Variants in TDRD3 observed in about 807,000 individuals in gnomAD.
TDRD3 encodes tudor domain containing 3.
A neutral mutation model predicts 86.7 loss-of-function variants in TDRD3; 45 were observed. The ratio of observed to expected loss-of-function variants is 0.52; its 90% CI spans 0.41 to 0.67. The LOEUF (loss-of-function observed/expected upper bound fraction) is 0.67, where lower values mean the gene tolerates loss of function less well. Among genes scored for constraint, TDRD3 ranks in the 30% least tolerant of loss-of-function variants. TDRD3 has a pLI of 0.00. For missense variants in TDRD3, 814 were observed against 889.0 expected (o/e 0.92, Z 1.07); for synonymous variants, 298 against 301.7 (o/e 0.99, Z 0.13).
chr13:60,567,177 T>A (rs1047634269), intron 12 of TDRD3, among the ~76,000 whole-genome samples: 22 of 152,214 alleles, frequency 1.4e-4, no homozygotes, highest in African/African-American at 5.3e-4. Context: ...TAATGCTTGC[T>A]TTTCTGTATG....
At chr13:60,495,758 A>G (rs1956700132) in intron 8 of TDRD3, among the ~76,000 whole-genome samples, 2 of 152,078 alleles carry the variant, frequency 1.3e-5, no homozygotes, top group Admixed American at 1.3e-4. Context: ...GTGAGCCACC[A>G]TGCCCGGTGG....
intron 3 of TDRD3, among the ~76,000 whole-genome samples, chr13:60,458,246 T>C (rs1007383492): frequency 2.6e-5 from 4 of 152,218 alleles, no homozygotes; most frequent in African/African-American, 9.6e-5. Context: ...TCAATGGCAT[T>C]GTCTTCAATT....
intron 7 of TDRD3, among the ~76,000 whole-genome samples, chr13:60,490,517 C>T (rs1956562538): frequency 6.6e-6 from 1 of 152,100 alleles, no homozygotes; most frequent in African/African-American, 2.4e-5. Flanking sequence ...ATTGTAAAGA[C>T]ATTGTACTTC....
At chr13:60,491,258 C>G (rs1956582240) in intron 7 of TDRD3, among the ~76,000 whole-genome samples, 1 of 151,952 alleles carries the variant, frequency 6.6e-6, no homozygotes, top group Non-Finnish European at 1.5e-5. Context: ...CCATTTTGAA[C>G]ATGTGAATAT....
intron 5 of TDRD3, among the ~76,000 whole-genome samples, chr13:60,483,086 A>G (rs867799827): frequency 1.3e-5 from 2 of 152,254 alleles, no homozygotes; most frequent in Non-Finnish European, 2.9e-5. Context: ...TGCTTTTGCC[A>G]GAAGATTTTC....
At chr13:60,554,315 A>C (rs1416723814) in intron 12 of TDRD3, among the ~76,000 whole-genome samples, 1 of 152,214 alleles carries the variant, frequency 6.6e-6, no homozygotes, top group Non-Finnish European at 1.5e-5. Context: ...TGTATCATGC[A>C]TTTTGTACTC....
At chr13:60,425,764 TTCC>T (rs942976631) in intron 1 of TDRD3, among the ~76,000 whole-genome samples, 20 of 152,216 alleles carry the variant, frequency 1.3e-4, no homozygotes, top group African/African-American at 4.6e-4. Flanking sequence ...CCTCCTCTTC[TTCC>T]TCCTCCTCAG....
chr13:60,499,002 C>T (rs1956776012), intron 8 of TDRD3, among the ~76,000 whole-genome samples: 1 of 152,178 alleles, frequency 6.6e-6, no homozygotes, highest in Non-Finnish European at 1.5e-5. Flanking sequence ...TTGGAATAGA[C>T]ATACTTAGCA....
intron 1 of TDRD3, among the ~76,000 whole-genome samples, chr13:60,408,202 G>A (rs192059866): frequency 6.7e-4 from 102 of 152,144 alleles, no homozygotes; most frequent in Non-Finnish European, 2.6e-4. Flanking sequence ...TTCACCTCCC[G>A]CCATGATTCT....
intron 4 of TDRD3, among the ~76,000 whole-genome samples, chr13:60,463,799 TCA>T (rs1407977576): frequency 6.6e-6 from 1 of 152,164 alleles, no homozygotes; most frequent in Admixed American, 6.5e-5. Flanking sequence ...AGAGATCATC[TCA>T]CACAGTTAGA....
chr13:60,529,294 C>G, intron 11 of TDRD3, 77 bp downstream of exon 11: 1 of 1,453,836 alleles, frequency 6.9e-7, no homozygotes, highest in South Asian at 1.5e-5. Context: ...GAAGCTGTCA[C>G]TTTGGAACTA....
intron 1 of TDRD3, among the ~76,000 whole-genome samples, chr13:60,437,846 A>G (rs142410886): frequency 8.5e-4 from 129 of 152,132 alleles, no homozygotes; most frequent in African/African-American, 3.0e-3. Flanking sequence ...ATTGGTCTCA[A>G]CCTATACTTA....
intron 1 of TDRD3, among the ~76,000 whole-genome samples, chr13:60,411,755 C>A (rs558951808): frequency 7.9e-5 from 12 of 152,162 alleles, no homozygotes; most frequent in Non-Finnish European, 1.8e-4. Flanking sequence ...GCATTGATAT[C>A]ACCTGGTAGC....
intron 10 of TDRD3, among the ~76,000 whole-genome samples, chr13:60,514,193 A>G (rs1317270757): frequency 1.3e-5 from 2 of 152,214 alleles, no homozygotes; most frequent in Non-Finnish European, 2.9e-5. Context: ...GACTGGCAGC[A>G]TTTTGCCTCT....
intron 12 of TDRD3, among the ~76,000 whole-genome samples, chr13:60,551,221 C>G (rs1034783734): frequency 2.0e-5 from 3 of 152,084 alleles, no homozygotes; most frequent in Non-Finnish European, 4.4e-5. Flanking sequence ...GTCCACATAC[C>G]TTGGGAAAGA....
At chr13:60,439,161 G>T (rs1955194559) in intron 1 of TDRD3, among the ~76,000 whole-genome samples, 1 of 152,118 alleles carries the variant, frequency 6.6e-6, no homozygotes, top group South Asian at 2.1e-4. Context: ...GTAAAAAGTT[G>T]CCTATCTTTG....
intron 1 of TDRD3, among the ~76,000 whole-genome samples, chr13:60,408,011 A>G (rs1264273997): frequency 6.6e-6 from 1 of 151,610 alleles, no homozygotes; most frequent in Non-Finnish European, 1.5e-5. Context: ...TTTCTTCCTC[A>G]TTTTCTCTTG....
At chr13:60,446,511 G>C (rs958701178) in intron 3 of TDRD3, among the ~76,000 whole-genome samples, 3 of 152,074 alleles carry the variant, frequency 2.0e-5, no homozygotes, top group Admixed American at 1.3e-4. Context: ...ACAGGTGTGA[G>C]CCACTGTGCC....
intron 8 of TDRD3, among the ~76,000 whole-genome samples, chr13:60,496,296 T>C (rs1488926179): frequency 2.3e-4 from 2 of 8,546 alleles, no homozygotes; most frequent in Non-Finnish European, 4.4e-4. Context: ...CCCATATATA[T>C]ATATATATAT....
Sources: gnomAD v4.1 joint callset for allele counts (sites outside exome capture counted in the v4.1 genomes callset) on GRCh38, gnomAD v4.1.1 for gene constraint, MANE v1.5 for transcripts, NCBI Gene and HGNC (gene_info 2026-07-23, HGNC 2026-07-21) for gene names.